Variants in SGCZ observed in about 807,000 individuals in gnomAD.
The protein encoded by SGCZ is zeta-sarcoglycan.
A neutral mutation model predicts 41.3 loss-of-function variants in SGCZ; 40 were observed. The ratio of observed to expected loss-of-function variants is 0.97; its 90% CI spans 0.75 to 1.26. The LOEUF is 1.26. Among genes scored for constraint, SGCZ ranks in the 50% most tolerant of loss-of-function variants. The pLI is 0.00. For missense variants in SGCZ, 552 were observed against 369.8 expected (o/e 1.49, Z -4.04); for synonymous variants, 206 against 137.5 (o/e 1.50, Z -3.49).
chr8:14,883,820 T>A (rs1298009753), intron 1 of SGCZ, among the ~76,000 whole-genome samples: 1 of 151,560 alleles, frequency 6.6e-6, no homozygotes, highest in Non-Finnish European at 1.5e-5. Context: ...TTCTTCTATT[T>A]TGCTGTTGTT....
intron 1 of SGCZ, among the ~76,000 whole-genome samples, chr8:14,768,826 T>C: frequency 6.6e-6 from 1 of 151,970 alleles, no homozygotes; most frequent in East Asian, 2.0e-4. Flanking sequence ...TAACCACTGT[T>C]CATGGTACCC....
intron 1 of SGCZ, among the ~76,000 whole-genome samples, chr8:14,971,449 AT>A (rs1801294312): frequency 6.6e-6 from 1 of 152,042 alleles, no homozygotes; most frequent in Non-Finnish European, 1.5e-5. Context: ...CTGCATTTCT[AT>A]TCCTACTTTC....
chr8:14,972,936 A>G (rs772733655), intron 1 of SGCZ, among the ~76,000 whole-genome samples: 5 of 152,192 alleles, frequency 3.3e-5, no homozygotes, highest in Non-Finnish European at 7.4e-5. Flanking sequence ...TCCAGAGGTC[A>G]TCCCTTTGTG....
At chr8:14,329,768 T>C (rs1236348594) in intron 2 of SGCZ, among the ~76,000 whole-genome samples, 1 of 152,226 alleles carries the variant, frequency 6.6e-6, no homozygotes, top group Non-Finnish European at 1.5e-5. Flanking sequence ...AATGAATTTC[T>C]AGATTTGCTA....
At chr8:15,151,589 T>C (rs1291232832) in intron 1 of SGCZ, among the ~76,000 whole-genome samples, 1 of 152,212 alleles carries the variant, frequency 6.6e-6, no homozygotes, top group Non-Finnish European at 1.5e-5. Flanking sequence ...TCTGAATACA[T>C]TTTCACAAAG....
intron 2 of SGCZ, among the ~76,000 whole-genome samples, chr8:14,439,552 G>T (rs775297637): frequency 6.6e-6 from 1 of 151,468 alleles, no homozygotes; most frequent in African/African-American, 2.4e-5. Flanking sequence ...TTAGCAAAGG[G>T]AATTCGTAAT....
intron 5 of SGCZ, among the ~76,000 whole-genome samples, chr8:14,137,375 C>T (rs1163879621): frequency 6.6e-6 from 1 of 152,194 alleles, no homozygotes; most frequent in African/African-American, 2.4e-5. Flanking sequence ...TAATAACAAA[C>T]TCCTCCGAGC....
At position 15,140,525 on chromosome 8, in the gene SGCZ, T is replaced by C. The variant is rs112778562; in HGVS notation, c.39+97060A>G. ...ATACAGATTAAGTACTTGGCCCATATTGGTAATTCAACAAATATCAGCTGC... is the reference window on the plus strand; with the variant it reads ...ATACAGATTAAGTACTTGGCCCATACTGGTAATTCAACAAATATCAGCTGC... On this transcript the variant is annotated intron_variant, in intron 1 of 7. Transcript: ENST00000382080. Among the ~76,000 whole-genome samples, 162 of 152,322 alleles carry C rather than the reference T, an allele frequency of 1.1e-3. 1 individual carries two copies. Among genetic ancestry groups the C allele is most frequent in the African/African-American group, 3.2e-3 (134 of 41,562 alleles).
At chr8:14,179,506 C>T (rs907428377) in intron 4 of SGCZ, among the ~76,000 whole-genome samples, 1 of 152,150 alleles carries the variant, frequency 6.6e-6, no homozygotes, top group African/African-American at 2.4e-5. Flanking sequence ...TTGCACAGGA[C>T]CTGTCTAGAC....
In SGCZ at chr8:14,846,310, G is replaced by C. The variant is rs116260151; in HGVS notation, c.40-291384C>G. Among the ~76,000 whole-genome samples the C allele has an allele frequency of 4.0e-5, 6 of 151,862 alleles. No individual in the cohort carries two copies. The South Asian group carries it at 1.0e-3, about 26-fold the overall frequency. On this transcript the variant is annotated intron_variant, in intron 1 of 7. Coordinates refer to ENST00000382080, the MANE Select transcript of SGCZ (RefSeq NM_139167.4). ...GTGTTGATTAAACCCAAAGCACATA[G>C]AACAGTTATAACAAAAACAAAAAGA...
chr8:14,941,718 C>T (rs1411220593), intron 1 of SGCZ, among the ~76,000 whole-genome samples: 2 of 151,738 alleles, frequency 1.3e-5, no homozygotes, highest in African/African-American at 2.4e-5. Flanking sequence ...AGAGTTTGTA[C>T]ATCTATTCAT....
intron 3 of SGCZ, among the ~76,000 whole-genome samples, chr8:14,239,901 C>CAAAAAAAAAAA (rs71209029): frequency 1.5e-4 from 6 of 41,372 alleles, no homozygotes; most frequent in African/African-American, 1.4e-3. Context: ...GACTCCGTCT[C>CAAAAAAAAAAA]AAAAAAAAAA....
chr8:14,963,338 C>T (rs371504556), intron 1 of SGCZ, among the ~76,000 whole-genome samples: 1 of 145,622 alleles, frequency 6.9e-6, no homozygotes, highest in Non-Finnish European at 1.5e-5. Flanking sequence ...TCTTTTTCTT[C>T]TTTTTTTTTT....
intron 1 of SGCZ, among the ~76,000 whole-genome samples, chr8:14,669,062 C>T (rs933727647): frequency 2.0e-5 from 3 of 151,954 alleles, no homozygotes; most frequent in Non-Finnish European, 2.9e-5. Flanking sequence ...TGGCCAGGTG[C>T]AGTGGCTCAG....
chr8:14,393,828 T>C (rs529229621), intron 2 of SGCZ, among the ~76,000 whole-genome samples: 3 of 152,258 alleles, frequency 2.0e-5, no homozygotes, highest in African/African-American at 4.8e-5. Context: ...AATAAATGCA[T>C]TGACTTACAG....
intron 1 of SGCZ, among the ~76,000 whole-genome samples, chr8:14,926,790 G>A (rs185926807): frequency 6.6e-5 from 10 of 151,882 alleles, no homozygotes; most frequent in South Asian, 2.1e-4. Context: ...ACAGGCATGC[G>A]CCACCACACC....
chr8:14,516,992 G>T (rs1317398989), intron 2 of SGCZ, among the ~76,000 whole-genome samples: 2 of 151,984 alleles, frequency 1.3e-5, no homozygotes, highest in Non-Finnish European at 2.9e-5. Context: ...TACAAGGGTG[G>T]AGCCAGGAAC....
At chr8:14,177,052 A>G (rs1804564178) in intron 4 of SGCZ, among the ~76,000 whole-genome samples, 1 of 152,114 alleles carries the variant, frequency 6.6e-6, no homozygotes, top group Non-Finnish European at 1.5e-5. Context: ...ACAGACAAGG[A>G]TCGTAGAGAG....
chr8:14,643,112 C>T (rs1222927187), intron 1 of SGCZ, among the ~76,000 whole-genome samples: 1 of 151,380 alleles, frequency 6.6e-6, no homozygotes, highest in Non-Finnish European at 1.5e-5. Flanking sequence ...TACACTTCTT[C>T]CAAAAGAATA....
Sources: allele counts gnomAD v4.1 joint callset (sites outside exome capture counted in the v4.1 genomes callset), GRCh38; gene constraint gnomAD v4.1.1; transcripts MANE v1.5; gene names NCBI Gene and HGNC (gene_info 2026-07-23, HGNC 2026-07-21).